The following USP12 variants were observed in gnomAD, a reference collection of about 807,000 sequenced individuals.
USP12 encodes the protein ubiquitin specific peptidase 12, also known as ubiquitin carboxyl-terminal hydrolase 12.
Under a neutral mutation model 45.5 loss-of-function variants are expected in USP12, and 19 were observed. That is an observed-to-expected ratio of 0.42 (90% CI 0.29 to 0.61). The LOEUF (loss-of-function observed/expected upper bound fraction) is 0.61. USP12 is among the 20% of genes least tolerant of loss of function. The pLI is 0.22. For synonymous variants in USP12, 149 were observed against 148.8 expected (o/e 1.00, Z -0.01); for missense variants, 242 against 447.7 (o/e 0.54, Z 4.15).
chr13:27,161,228 T>C (rs1178020781), intron 1 of USP12, among the ~76,000 whole-genome samples: 4 of 152,278 alleles, frequency 2.6e-5, no homozygotes, highest in African/African-American at 9.6e-5. Context: ...TGAAACAATA[T>C]GCCAGAGAAA....
At chr13:27,109,708 G>A (rs891328950) in intron 2 of USP12, among the ~76,000 whole-genome samples, 3 of 152,032 alleles carry the variant, frequency 2.0e-5, no homozygotes, top group Admixed American at 6.6e-5. Context: ...AAGGTCAGGA[G>A]CTCAAGACCA....
At chr13:27,171,379 G>C (rs1189262001) in intron 1 of USP12, among the ~76,000 whole-genome samples, 3 of 146,714 alleles carry the variant, frequency 2.0e-5, no homozygotes, top group Non-Finnish European at 3.0e-5. Context: ...CCCACCAGGC[G>C]GCGCCCCCTC....
At chr13:27,157,436 C>G (rs1340999127) in intron 1 of USP12, among the ~76,000 whole-genome samples, 1 of 152,042 alleles carries the variant, frequency 6.6e-6, no homozygotes, top group Admixed American at 6.6e-5. Context: ...TTTCCTTTAC[C>G]CGCTGTATCA....
intron 1 of USP12, among the ~76,000 whole-genome samples, chr13:27,119,264 C>T (rs182071298): frequency 3.9e-5 from 6 of 152,256 alleles, no homozygotes; most frequent in South Asian, 2.1e-4. Context: ...AAAATAGATA[C>T]TCTCCTTAGT....
At chr13:27,070,938 G>T in intron 8 of USP12, 133 bp downstream of exon 8, 1 of 718,020 alleles carries the variant, frequency 1.4e-6, no homozygotes, top group Non-Finnish European at 2.2e-6. Context: ...GTAGGAATTA[G>T]ACTACAATCT....
At chr13:27,161,718 A>T (rs2137843670) in intron 1 of USP12, among the ~76,000 whole-genome samples, 1 of 152,018 alleles carries the variant, frequency 6.6e-6, no homozygotes, top group South Asian at 2.1e-4. Context: ...AAAAAAAATT[A>T]ATTAAAAAGA....
intron 6 of USP12, among the ~76,000 whole-genome samples, chr13:27,078,260 A>C (rs1873584603): frequency 6.6e-6 from 1 of 152,184 alleles, no homozygotes; most frequent in Non-Finnish European, 1.5e-5. Context: ...CCATTTAAAA[A>C]AATACAGTGT....
intron 2 of USP12, among the ~76,000 whole-genome samples, chr13:27,114,152 T>G (rs1875600997): frequency 6.6e-6 from 1 of 152,174 alleles, no homozygotes; most frequent in South Asian, 2.1e-4. Context: ...GAGGCCAGGC[T>G]ACTTGTGTGT....
intron 1 of USP12, among the ~76,000 whole-genome samples, chr13:27,145,675 TTATC>T (rs1410127985): frequency 2.0e-5 from 3 of 152,164 alleles, no homozygotes; most frequent in East Asian, 1.9e-4. Context: ...ATAAAGTTGT[TTATC>T]TAGTTGTTTC....
chr13:27,118,597 C>A (rs1226019064), intron 1 of USP12, among the ~76,000 whole-genome samples: 1 of 152,136 alleles, frequency 6.6e-6, no homozygotes, highest in Non-Finnish European at 1.5e-5. Flanking sequence ...AAATAACCAA[C>A]AAACCCAGGT....
intron 1 of USP12, among the ~76,000 whole-genome samples, chr13:27,168,224 G>A (rs1566010748): frequency 6.6e-6 from 1 of 152,196 alleles, no homozygotes; most frequent in Non-Finnish European, 1.5e-5. Flanking sequence ...GCCACCCCAT[G>A]ATCTAACTCT....
chr13:27,155,986 T>C (rs1311731030), intron 1 of USP12, among the ~76,000 whole-genome samples: 2 of 152,184 alleles, frequency 1.3e-5, no homozygotes, highest in Non-Finnish European at 2.9e-5. Flanking sequence ...AAAAAACCTA[T>C]AGAAGCAGTT....
At chr13:27,102,367 C>T (rs1383267604) in intron 3 of USP12, among the ~76,000 whole-genome samples, 2 of 152,202 alleles carry the variant, frequency 1.3e-5, no homozygotes, top group African/African-American at 2.4e-5. Flanking sequence ...CCTGCCTCTA[C>T]TCTCATGCTG....
Position 27,171,721 on chromosome 13 carries a change from C to G in USP12, c.-82G>C. 1 of 957,634 alleles carries G rather than the reference C, an allele frequency of 1.0e-6. No homozygotes were observed. The highest frequency in any genetic ancestry group is 1.3e-6 in the Non-Finnish European group (1 of 764,198). 59.3% of individuals were successfully genotyped at this position (957,634 alleles called of 1,614,324 possible). On this transcript the variant is annotated 5_prime_UTR_variant, in exon 1 of 9. Coordinates refer to ENST00000282344, the MANE Select transcript of USP12 (RefSeq NM_182488.4). ...GGAGCCGGGCCGCCCGCTCGCACCG[C>G]AGCCCGCGGGCGGACCCCGAGCCGC...
At chr13:27,092,469 T>G (rs191259097) in intron 4 of USP12, among the ~76,000 whole-genome samples, 1 of 152,290 alleles carries the variant, frequency 6.6e-6, no homozygotes, top group East Asian at 1.9e-4. Flanking sequence ...TAAGACTTAC[T>G]CTAAAGCTAC....
chr13:27,121,053 G>A (rs1875959236), intron 1 of USP12, among the ~76,000 whole-genome samples: 1 of 151,968 alleles, frequency 6.6e-6, no homozygotes, highest in Admixed American at 6.6e-5. Flanking sequence ...TAAAACTTAG[G>A]GTCCACTCAA....
chr13:27,081,009 A>ATT (rs372527345), intron 6 of USP12, among the ~76,000 whole-genome samples: 5,450 of 114,398 alleles, frequency 0.048, 278 homozygotes, highest in Non-Finnish European at 0.067. Flanking sequence ...GGCTGAGGCA[A>ATT]TTTTTTTTTT....
intron 4 of USP12, among the ~76,000 whole-genome samples, chr13:27,094,307 C>A (rs888589887): frequency 6.6e-5 from 10 of 151,904 alleles, no homozygotes; most frequent in African/African-American, 2.4e-4. Context: ...AGTTCAAGAC[C>A]AGCCTGGGTA....
rs1023843078 is a variant in USP12 at position 27,068,469 on chromosome 13, A to G, written c.*814T>C. 6 of 152,614 alleles carry G rather than the reference A, an allele frequency of 3.9e-5. No individual in the cohort carries two copies. In the East Asian group the frequency reaches 1.2e-3, roughly 29 times the overall value. The allele number at this position is 152,614 out of a possible 1,614,324, so 9.5% of individuals were successfully genotyped here. A position where few individuals can be genotyped will look rare whatever the true frequency, so the allele number is the denominator to read the frequency against. ...GGTATCTTAACTGATTTCAGATAGA[A>G]ATTAAAATTCACCTTAAAAATAGAA... is the stretch of plus-strand genomic sequence containing the variant. On this transcript the variant is annotated 3_prime_UTR_variant, in exon 9 of 9. Transcript: ENST00000282344.
Sources: gnomAD v4.1 joint callset for allele counts (sites outside exome capture counted in the v4.1 genomes callset) on GRCh38, gnomAD v4.1.1 for gene constraint, MANE v1.5 for transcripts, NCBI Gene and HGNC (gene_info 2026-07-23, HGNC 2026-07-21) for gene names.